The following PCDHAC1 variants were observed in gnomAD, a reference collection of about 807,000 sequenced individuals.
PCDHAC1 encodes protocadherin alpha-C1.
PCDHAC1 carries 42 observed loss-of-function variants against 60.0 expected under a neutral mutation model. The ratio of observed to expected loss-of-function variants is 0.70; its 90% CI spans 0.55 to 0.90. The LOEUF (loss-of-function observed/expected upper bound fraction) is 0.90. PCDHAC1 is among the 40% of genes least tolerant of loss of function. The probability of loss-of-function intolerance (pLI) is 0.00; values close to 1 mark genes in which losing one functional copy is unlikely to be tolerated. For synonymous variants in PCDHAC1, 468 were observed against 499.3 expected, an observed-to-expected ratio of 0.94 and a Z score of 0.84; for missense variants, 1,160 against 1,222.3, an observed-to-expected ratio of 0.95 and a Z score of 0.76.
intron 3 of PCDHAC1, among the ~76,000 whole-genome samples, chr5:141,005,089 A>C (rs1554259886): frequency 6.6e-6 from 1 of 152,244 alleles, no homozygotes; most frequent in Non-Finnish European, 1.5e-5. Context: ...TTAGTACTTT[A>C]CATGCATTAC....
At chr5:140,974,614 C>T (rs757071183) in intron 1 of PCDHAC1, among the ~76,000 whole-genome samples, 3 of 152,070 alleles carry the variant, frequency 2.0e-5, no homozygotes, top group East Asian at 1.9e-4. Context: ...AGGGTTCAAG[C>T]GATTCTCCTG....
intron 3 of PCDHAC1, among the ~76,000 whole-genome samples, chr5:141,005,737 G>GATGAGAA (rs1365089563): frequency 2.8e-5 from 4 of 143,576 alleles, no homozygotes; most frequent in Non-Finnish European, 6.0e-5. Context: ...AAAAAGAATG[G>GATGAGAA]ATGAGAAATC....
chr5:140,971,284 A>G lies in PCDHAC1; in HGVS notation c.2434-7665A>G, dbSNP rs573117700. 1.7e-3 allele frequency among the ~76,000 whole-genome samples: 257 copies of G among 152,334 alleles called. 1 individual carries two copies. The highest frequency in any genetic ancestry group is 3.4e-3 in the Non-Finnish European group (234 of 68,028). ...CTGTCTTACACTGACCTGTATATTAATATGTACTTTGGTACACAAACATTT... is the reference window on the plus strand; with the variant it reads ...CTGTCTTACACTGACCTGTATATTAGTATGTACTTTGGTACACAAACATTT... On this transcript the variant is annotated intron_variant, in intron 1 of 3. Transcript: ENST00000253807.
intron 1 of PCDHAC1, among the ~76,000 whole-genome samples, chr5:140,978,254 A>T (rs2096794173): frequency 6.6e-6 from 1 of 152,228 alleles, no homozygotes; most frequent in Non-Finnish European, 1.5e-5. Context: ...TCCCTGTTAA[A>T]CAATCAGAGC....
At chr5:140,954,722 G>A (rs1554221565) in intron 1 of PCDHAC1, among the ~76,000 whole-genome samples, 1 of 152,092 alleles carries the variant, frequency 6.6e-6, no homozygotes, top group African/African-American at 2.4e-5. Context: ...TCTGTAGGTT[G>A]TCTTTTCACT....
chr5:140,969,538 G>A (rs916768919), intron 1 of PCDHAC1: 11 of 1,304,024 alleles, frequency 8.4e-6, no homozygotes, highest in African/African-American at 1.5e-5. Flanking sequence ...TTCATTTTCA[G>A]AGGCATGAAG....
intron 1 of PCDHAC1, among the ~76,000 whole-genome samples, chr5:140,938,050 A>G (rs1169641392): frequency 6.6e-6 from 1 of 152,116 alleles, no homozygotes; most frequent in African/African-American, 2.4e-5. Context: ...TGGGTTTTCT[A>G]CATATACTGT....
intron 3 of PCDHAC1, among the ~76,000 whole-genome samples, chr5:141,007,395 C>CAAAAAAAAAA (rs35800918): frequency 8.4e-5 from 8 of 94,862 alleles, no homozygotes; most frequent in African/African-American, 1.7e-4. Flanking sequence ...TACTAAAATA[C>CAAAAAAAAAA]AAAAAAAAAA....
intron 3 of PCDHAC1, among the ~76,000 whole-genome samples, chr5:140,989,980 C>T (rs1172154204): frequency 6.6e-6 from 1 of 152,012 alleles, no homozygotes; most frequent in South Asian, 2.1e-4. Context: ...AGCAACAGCC[C>T]TGCCTGAAAT....
Position 140,928,465 on chromosome 5 carries a change from G to A in PCDHAC1, c.1573G>A (p.Val525Ile). 1 of 1,614,168 alleles carries A rather than the reference G, an allele frequency of 6.2e-7. No homozygotes were observed. Among genetic ancestry groups the A allele is most frequent in the Non-Finnish European group, 8.5e-7 (1 of 1,180,022 alleles). ...FEQLRGFHFQ[V>I]EGRDGGIPPR... Reference sequence around the variant, plus strand: ...GCAGCTCAGGGGGTTTCATTTCCAAGTAGAAGGCCGGGATGGTGGCATTCC... The same window carrying A: ...GCAGCTCAGGGGGTTTCATTTCCAAATAGAAGGCCGGGATGGTGGCATTCC... The change falls in exon 1 of 4, where the codon GTA becomes ATA. Residue 525 changes from valine (V) to isoleucine (I), a missense_variant. By Grantham distance (29) the Val-to-Ile change is conservative (BLOSUM62 3). Coordinates refer to ENST00000253807, the MANE Select transcript of PCDHAC1 (RefSeq NM_018898.5).
intron 1 of PCDHAC1, among the ~76,000 whole-genome samples, chr5:140,935,903 T>TTC (rs1289164766): frequency 4.6e-4 from 69 of 151,456 alleles, no homozygotes; most frequent in African/African-American, 1.6e-3. Flanking sequence ...TCTTTTTTTT[T>TTC]TTTTTTTGAG....
intron 1 of PCDHAC1, among the ~76,000 whole-genome samples, chr5:140,950,786 T>A (rs890329662): frequency 6.6e-6 from 1 of 152,140 alleles, no homozygotes; most frequent in Non-Finnish European, 1.5e-5. Context: ...TGGTACTTTT[T>A]AAATATTGTC....
At chr5:141,006,612 AAGG>A (rs2098279964) in intron 3 of PCDHAC1, among the ~76,000 whole-genome samples, 1 of 152,204 alleles carries the variant, frequency 6.6e-6, no homozygotes, top group African/African-American at 2.4e-5. Flanking sequence ...CAGACTGAAT[AAGG>A]AGACTATTGC....
intron 1 of PCDHAC1, among the ~76,000 whole-genome samples, chr5:140,977,826 T>C (rs1554238818): frequency 1.3e-5 from 2 of 152,208 alleles, no homozygotes; most frequent in Admixed American, 6.5e-5. Flanking sequence ...TTTTGAATGG[T>C]CTATTGATAT....
chr5:140,999,614 A>G (rs572897182), intron 3 of PCDHAC1, among the ~76,000 whole-genome samples: 1 of 152,302 alleles, frequency 6.6e-6, no homozygotes, highest in African/African-American at 2.4e-5. Flanking sequence ...GGACCTTATC[A>G]ACCAGGAAAC....
intron 1 of PCDHAC1, chr5:140,969,131 A>G: frequency 6.2e-7 from 1 of 1,614,138 alleles, no homozygotes; most frequent in South Asian, 1.1e-5. Flanking sequence ...CTCCCTCACC[A>G]AGACCTACTG....
intron 3 of PCDHAC1, among the ~76,000 whole-genome samples, chr5:140,987,599 C>T (rs1475170913): frequency 1.3e-5 from 2 of 152,086 alleles, no homozygotes; most frequent in Non-Finnish European, 2.9e-5. Context: ...GTGGTGTCTA[C>T]CTTATAGGGT....
chr5:140,995,401 G>A (rs576317630), intron 3 of PCDHAC1, among the ~76,000 whole-genome samples: 7 of 152,238 alleles, frequency 4.6e-5, no homozygotes, highest in African/African-American at 1.4e-4. Context: ...GGGATGGCTC[G>A]AGATTTCATC....
intron 1 of PCDHAC1, among the ~76,000 whole-genome samples, chr5:140,954,810 A>C (rs1169811573): frequency 6.6e-6 from 1 of 151,948 alleles, no homozygotes; most frequent in Non-Finnish European, 1.5e-5. Context: ...CTTTTGTTGA[A>C]ATTGCTTTAG....
Sources: allele counts gnomAD v4.1 joint callset (sites outside exome capture counted in the v4.1 genomes callset), GRCh38; gene constraint gnomAD v4.1.1; transcripts MANE v1.5; gene names NCBI Gene and HGNC (gene_info 2026-07-23, HGNC 2026-07-21).